The following TAFA2 variants were observed in gnomAD, a reference collection of about 807,000 sequenced individuals.
The protein encoded by TAFA2 is chemokine-like protein TAFA-2.
Under a neutral mutation model 18.8 loss-of-function variants are expected in TAFA2, and 7 were observed. The observed-to-expected ratio is 0.37, with a 90% CI of 0.21 to 0.70. TAFA2 has a LOEUF of 0.70. Among genes scored for constraint, TAFA2 ranks in the 30% least tolerant of loss-of-function variants. TAFA2 has a pLI of 0.53. For synonymous variants in TAFA2, 60 were observed against 54.2 expected (o/e 1.11, Z -0.47); for missense variants, 122 against 158.1 (o/e 0.77, Z 1.23).
chr12:62,013,356 G>A (rs528613373), intron 1 of TAFA2, among the ~76,000 whole-genome samples: 1 of 152,264 alleles, frequency 6.6e-6, no homozygotes, highest in East Asian at 1.9e-4. Flanking sequence ...GCAGGATCAA[G>A]TAGAACACAA....
intron 4 of TAFA2, among the ~76,000 whole-genome samples, chr12:61,735,903 A>G: frequency 6.6e-6 from 1 of 152,020 alleles, no homozygotes; most frequent in Non-Finnish European, 1.5e-5. Flanking sequence ...ATCTTTCCAG[A>G]GAAGAATTAC....
At chr12:62,188,228 G>A (rs936794047) in intron 1 of TAFA2, among the ~76,000 whole-genome samples, 3 of 152,172 alleles carry the variant, frequency 2.0e-5, no homozygotes, top group African/African-American at 7.2e-5. Context: ...ACCCCAAGTT[G>A]TGATTTTTCA....
intron 2 of TAFA2, among the ~76,000 whole-genome samples, chr12:61,849,218 G>A (rs992641592): frequency 6.6e-6 from 1 of 152,116 alleles, no homozygotes; most frequent in Non-Finnish European, 1.5e-5. Context: ...GCAGAAAAAA[G>A]AGCATCTATT....
At chr12:61,951,367 A>G (rs1208429275) in intron 1 of TAFA2, among the ~76,000 whole-genome samples, 1 of 152,152 alleles carries the variant, frequency 6.6e-6, no homozygotes, top group East Asian at 1.9e-4. Context: ...CTGATGTTTT[A>G]AGAAGAAGAA....
At chr12:62,128,670 T>C (rs887493444) in intron 1 of TAFA2, among the ~76,000 whole-genome samples, 15 of 152,070 alleles carry the variant, frequency 9.9e-5, no homozygotes, top group Non-Finnish European at 2.1e-4. Flanking sequence ...GGACTATTCA[T>C]AATTCATGTT....
chr12:61,992,209 A>G (rs1022785497), intron 1 of TAFA2, among the ~76,000 whole-genome samples: 9 of 152,172 alleles, frequency 5.9e-5, no homozygotes, highest in Non-Finnish European at 1.2e-4. Context: ...TCCATTTAGA[A>G]GTCCATAAAA....
At chr12:61,942,202 T>TGTGAG (rs1252338950) in intron 1 of TAFA2, among the ~76,000 whole-genome samples, 2 of 143,634 alleles carry the variant, frequency 1.4e-5, no homozygotes, top group Non-Finnish European at 3.0e-5. Flanking sequence ...CACTGACACC[T>TGTGAG]CACACGGCAG....
At chr12:62,210,185 CTAAATAAATAAATAAA>C (rs56194828) in intron 1 of TAFA2, among the ~76,000 whole-genome samples, 2 of 144,332 alleles carry the variant, frequency 1.4e-5, no homozygotes, top group African/African-American at 2.6e-5. Flanking sequence ...GACTCTGTCT[CTAAATAAATAAATAAA>C]TAAATAAATA....
intron 1 of TAFA2, among the ~76,000 whole-genome samples, chr12:61,935,897 C>T (rs926519361): frequency 6.6e-6 from 1 of 151,708 alleles, no homozygotes; most frequent in Admixed American, 6.6e-5. Flanking sequence ...TGGACCAGAG[C>T]AATTCACAGC....
chr12:61,932,859 G>A (rs1452278757), intron 1 of TAFA2, among the ~76,000 whole-genome samples: 1 of 152,076 alleles, frequency 6.6e-6, no homozygotes, highest in Non-Finnish European at 1.5e-5. Flanking sequence ...CTTCTTCCTG[G>A]CAGAGAGTTG....
intron 1 of TAFA2, among the ~76,000 whole-genome samples, chr12:62,097,428 G>A (rs750972719): frequency 2.0e-5 from 3 of 152,118 alleles, no homozygotes; most frequent in Admixed American, 1.3e-4. Context: ...ACCAATGAGA[G>A]CTTGGCACAT....
intron 1 of TAFA2, among the ~76,000 whole-genome samples, chr12:62,081,034 A>T (rs966401390): frequency 1.3e-5 from 2 of 152,134 alleles, no homozygotes; most frequent in Non-Finnish European, 2.9e-5. Context: ...CTCTACGAAA[A>T]GACACAAAAA....
intron 1 of TAFA2, among the ~76,000 whole-genome samples, chr12:61,903,580 T>A (rs1876209239): frequency 6.6e-6 from 1 of 152,172 alleles, no homozygotes; most frequent in Non-Finnish European, 1.5e-5. Context: ...CAATAAATAT[T>A]TATTAGATAA....
intron 1 of TAFA2, among the ~76,000 whole-genome samples, chr12:62,085,898 T>C (rs892499568): frequency 4.6e-5 from 7 of 152,076 alleles, no homozygotes; most frequent in Non-Finnish European, 1.0e-4. Context: ...ATGCTGTTCT[T>C]GTGATAGTGA....
At chr12:61,837,374 A>G (rs1431009458) in intron 2 of TAFA2, among the ~76,000 whole-genome samples, 1 of 151,994 alleles carries the variant, frequency 6.6e-6, no homozygotes, top group Non-Finnish European at 1.5e-5. Flanking sequence ...ATAAAAATGA[A>G]TGTTGTTCTT....
chr12:61,835,543 G>T (rs1160900834), intron 2 of TAFA2, among the ~76,000 whole-genome samples: 6 of 151,808 alleles, frequency 4.0e-5, no homozygotes, highest in African/African-American at 1.5e-4. Context: ...GAAGACTAGG[G>T]TTTTTAATGA....
chr12:62,037,491 G>A (rs1277452113), intron 1 of TAFA2, among the ~76,000 whole-genome samples: 2 of 152,158 alleles, frequency 1.3e-5, no homozygotes, highest in Non-Finnish European at 2.9e-5. Context: ...ATCCACTCAT[G>A]CCACAAGTAA....
chr12:61,714,137 C>T (rs1459586014), intron 4 of TAFA2, among the ~76,000 whole-genome samples: 2 of 152,058 alleles, frequency 1.3e-5, no homozygotes, highest in African/African-American at 2.4e-5. Flanking sequence ...ACACTATCTT[C>T]TTGTTCTGAG....
intron 2 of TAFA2, among the ~76,000 whole-genome samples, chr12:61,822,769 G>T (rs12320922): frequency 0.027 from 4,110 of 152,152 alleles, 174 homozygotes; most frequent in African/African-American, 0.094. Flanking sequence ...TTTGGTGCCA[G>T]CATACTGTCT....
Sources: gnomAD v4.1 joint callset for allele counts (sites outside exome capture counted in the v4.1 genomes callset) on GRCh38, gnomAD v4.1.1 for gene constraint, MANE v1.5 for transcripts, NCBI Gene and HGNC (gene_info 2026-07-23, HGNC 2026-07-21) for gene names.